Variants in DFFA observed in about 807,000 individuals in gnomAD.
DFFA encodes the protein DFF45.
DFFA carries 14 observed loss-of-function variants against 28.0 expected under a neutral mutation model. The observed-to-expected ratio is 0.50, with a 90% CI of 0.33 to 0.78. The LOEUF (loss-of-function observed/expected upper bound fraction) is 0.78, where lower values mean the gene tolerates loss of function less well. Among genes scored for constraint, DFFA ranks in the 30% least tolerant of loss-of-function variants. DFFA has a pLI of 0.02. For missense variants in DFFA, 395 were observed against 407.1 expected (o/e 0.97, Z 0.26); for synonymous variants, 158 against 170.3 (o/e 0.93, Z 0.56).
intron 4 of DFFA, 83 bp downstream of exon 4, chr1:10,463,348 C>A: frequency 6.5e-7 from 1 of 1,550,196 alleles, no homozygotes; most frequent in Non-Finnish European, 8.7e-7. Context: ...GTGGCCCTGG[C>A]TACATCACAA....
At chr1:10,462,115 C>G (rs1640954535) in intron 5 of DFFA, among the ~76,000 whole-genome samples, 1 of 152,182 alleles carries the variant, frequency 6.6e-6, no homozygotes, top group South Asian at 2.1e-4. Context: ...ACCTTGGCCT[C>G]CCAAAGTGCT....
chr1:10,462,894 A>G, intron 5 of DFFA, 164 bp downstream of exon 5: 5 of 1,433,870 alleles, frequency 3.5e-6, no homozygotes, highest in South Asian at 1.5e-5. Context: ...TTTGATTTAG[A>G]TTAATGAGAT....
At chr1:10,462,954 C>T in intron 5 of DFFA, 104 bp downstream of exon 5, 1 of 1,538,850 alleles carries the variant, frequency 6.5e-7, no homozygotes. Context: ...CTAGGATTCA[C>T]AGTCTGCAGA....
At chr1:10,467,353 C>T (rs1641037857) in intron 2 of DFFA, 21 bp from the exon 3 acceptor site, 2 of 1,613,816 alleles carry the variant, frequency 1.2e-6, no homozygotes, top group African/African-American at 1.3e-5. Flanking sequence ...GGAGAAAATG[C>T]CAGTCACAGA....
At chr1:10,462,956 G>T in intron 5 of DFFA, 102 bp downstream of exon 5, 1 of 1,545,484 alleles carries the variant, frequency 6.5e-7, no homozygotes. Flanking sequence ...AGGATTCACA[G>T]TCTGCAGAGG....
intron 5 of DFFA, chr1:10,462,520 A>G (rs893984606): frequency 1.0e-6 from 1 of 989,798 alleles, no homozygotes; most frequent in Non-Finnish European, 1.2e-6. Context: ...ACCTTCAGGA[A>G]ATTTAGCCAA....
In DFFA at chr1:10,461,132, G is replaced by A. The variant is rs756474659; in HGVS notation, c.*358C>T. The A allele has an allele frequency of 2.3e-4, 44 of 187,394 alleles. No individual in the cohort carries two copies. The highest frequency in any genetic ancestry group is 3.5e-4 in the Non-Finnish European group (31 of 88,324). 11.6% of individuals were successfully genotyped at this position (187,394 alleles called of 1,614,324 possible). ...TCACCATGTTAGCCAGGATGGTCTCGATCTCCTGACTTCACGATCCGCCCC... is the reference window on the plus strand; with the variant it reads ...TCACCATGTTAGCCAGGATGGTCTCAATCTCCTGACTTCACGATCCGCCCC... On this transcript the variant is annotated 3_prime_UTR_variant, in exon 6 of 6. Coordinates refer to ENST00000377038, the MANE Select transcript of DFFA (RefSeq NM_004401.3).
chr1:10,470,273 A>G (rs1641078035), intron 1 of DFFA, among the ~76,000 whole-genome samples: 1 of 152,126 alleles, frequency 6.6e-6, no homozygotes, highest in African/African-American at 2.4e-5. Flanking sequence ...TAAACCCACA[A>G]AGTCTGGCTC....
chr1:10,471,647 G>A (rs1641100120), intron 1 of DFFA, among the ~76,000 whole-genome samples: 1 of 152,144 alleles, frequency 6.6e-6, no homozygotes, highest in East Asian at 1.9e-4. Context: ...TTGGGTAAGC[G>A]ATTTGTTGCT....
rs34172830 is a variant in DFFA at position 10,460,831 on chromosome 1, C to CT, written c.*658dup. 0.21 allele frequency: 28,205 copies of CT among 136,814 alleles called. 3,504 individuals carry two copies. The highest frequency in any genetic ancestry group is 0.3 in the Non-Finnish European group (19,356 of 64,124). 8.5% of individuals were successfully genotyped at this position (136,814 alleles called of 1,614,324 possible). A position where few individuals can be genotyped will look rare whatever the true frequency, so the allele number is the denominator to read the frequency against. ...GCGTGAGCCAACACGCTCGGCCTGG[C>CT]TTTTTTTTTTTTTAACATGTTCCAT... On this transcript the variant is annotated 3_prime_UTR_variant, in exon 6 of 6. Coordinates refer to ENST00000377038, the MANE Select transcript of DFFA (RefSeq NM_004401.3).
chr1:10,468,487 G>C (rs1279579125), intron 2 of DFFA, among the ~76,000 whole-genome samples: 3 of 151,706 alleles, frequency 2.0e-5, no homozygotes, highest in African/African-American at 7.3e-5. Context: ...GTGTCATTGA[G>C]AAACCCTGGT....
chr1:10,470,838 T>G (rs896675777), intron 1 of DFFA, among the ~76,000 whole-genome samples: 12 of 147,532 alleles, frequency 8.1e-5, no homozygotes, highest in African/African-American at 2.5e-4. Context: ...CCGAGGCGGG[T>G]GGATCACAAA....
intron 5 of DFFA, chr1:10,462,757 C>T: frequency 1.2e-5 from 15 of 1,234,770 alleles, no homozygotes; most frequent in Non-Finnish European, 1.5e-5. Context: ...TGGAAAGACC[C>T]AGAAGCCATC....
chr1:10,472,257 G>C lies in DFFA; in HGVS notation c.136+66C>G. On this transcript the variant is annotated intron_variant, in intron 1 of 5. Coordinates refer to ENST00000377038, the MANE Select transcript of DFFA (RefSeq NM_004401.3). This position sits in a 1 kb window ranked among gnomAD's most constrained non-coding sequence, Gnocchi z 5.0. The stretch of plus-strand genomic sequence containing the variant: ...AAGTCGCCTCTCCTGACCCCGCCTC[G>C]CCCCCGCCGGACGTCCTCACCCGGC... 1 of 1,456,138 alleles carries C rather than the reference G, an allele frequency of 6.9e-7. No homozygotes were observed. The highest frequency in any genetic ancestry group is 9.1e-7 in the Non-Finnish European group (1 of 1,093,858). The allele number at this position is 1,456,138 out of a possible 1,614,324, so 90.2% of individuals were successfully genotyped here.
intron 1 of DFFA, among the ~76,000 whole-genome samples, chr1:10,471,062 CAAAAA>C (rs59465527): frequency 2.1e-5 from 2 of 96,496 alleles, no homozygotes; most frequent in South Asian, 3.9e-4. Flanking sequence ...CACTCCGTCT[CAAAAA>C]AAAAAAAAAA....
At position 10,463,686 on chromosome 1, in the gene DFFA, G is replaced by A. The variant is rs565721662; in HGVS notation, c.442-66C>T. On this transcript the variant is annotated intron_variant, in intron 3 of 5. Coordinates refer to ENST00000377038, the MANE Select transcript of DFFA (RefSeq NM_004401.3). Reference sequence around the variant, plus strand: ...TTCTGACTTTCTTTTTTTTTTTTGAGACGGAGTCTGCTCTGTTGCCCAGGC... The same window carrying A: ...TTCTGACTTTCTTTTTTTTTTTTGAAACGGAGTCTGCTCTGTTGCCCAGGC... The A allele has an allele frequency of 2.8e-6, 4 of 1,451,982 alleles. No homozygotes were observed. The African/African-American group carries it at 5.7e-5, about 21-fold the overall frequency. The allele number at this position is 1,451,982 out of a possible 1,614,324, so 89.9% of individuals were successfully genotyped here.
At chr1:10,462,052 G>GT (rs1358559062) in intron 5 of DFFA, among the ~76,000 whole-genome samples, 26 of 152,168 alleles carry the variant, frequency 1.7e-4, no homozygotes, top group South Asian at 2.1e-4. Flanking sequence ...TAGAGACGGG[G>GT]TTTCACCGTG....
At position 10,460,259 on chromosome 1, in the gene DFFA, A is replaced by T. The variant is rs1291140981; in HGVS notation, c.*1231T>A. The T allele has an allele frequency of 2.6e-5, 4 of 151,306 alleles. No individual in the cohort carries two copies. The highest frequency in any genetic ancestry group is 5.9e-5 in the Non-Finnish European group (4 of 67,986). The allele number at this position is 151,306 out of a possible 1,614,324, so 9.4% of individuals were successfully genotyped here. On this transcript the variant is annotated 3_prime_UTR_variant, in exon 6 of 6. Transcript: ENST00000377038. ...GACTCTGTCTCAAAAAAACAAAACA[A>T]AACTTTTTTTTTTTCTTGAGATACG... is the stretch of plus-strand genomic sequence containing the variant.
In DFFA at chr1:10,458,689, C is replaced by T. The variant is rs1394852061; in HGVS notation, c.*2801G>A. 1.3e-5 allele frequency: 2 copies of T among 152,012 alleles called. No individual in the cohort carries two copies. The highest frequency in any genetic ancestry group is 2.9e-5 in the Non-Finnish European group (2 of 68,030). The allele number at this position is 152,012 out of a possible 1,614,324, so 9.4% of individuals were successfully genotyped here. ...GAGTAGCTGGGATTACAGGTGCCCACCATCACGCCTGGCTAATTTTTGTAT... is the reference window on the plus strand; with the variant it reads ...GAGTAGCTGGGATTACAGGTGCCCATCATCACGCCTGGCTAATTTTTGTAT... On this transcript the variant is annotated 3_prime_UTR_variant, in exon 6 of 6. Transcript: ENST00000377038.
Sources: gnomAD v4.1 joint callset for allele counts (sites outside exome capture counted in the v4.1 genomes callset) on GRCh38, gnomAD v4.1.1 for gene constraint, Gnocchi (gnomAD v3.1) non-coding constraint, MANE v1.5 for transcripts, NCBI Gene and HGNC (gene_info 2026-07-23, HGNC 2026-07-21) for gene names.